Variants in BICD1 observed in about 807,000 individuals in gnomAD.
The protein encoded by BICD1 is protein bicaudal D homolog 1.
BICD1 carries 35 observed loss-of-function variants against 92.5 expected under a neutral mutation model. The observed-to-expected ratio is 0.38, with a 90% CI of 0.29 to 0.50. The LOEUF (loss-of-function observed/expected upper bound fraction) is 0.50. Among genes scored for constraint, BICD1 ranks in the 20% least tolerant of loss-of-function variants. The probability of loss-of-function intolerance (pLI) is 0.93; values close to 1 mark genes in which losing one functional copy is unlikely to be tolerated. For missense variants in BICD1, 950 were observed against 1,189.8 expected, an observed-to-expected ratio of 0.80 and a Z score of 2.97; for synonymous variants, 429 against 465.1, an observed-to-expected ratio of 0.92 and a Z score of 1.00.
At chr12:32,244,763 G>A (rs1325997081) in intron 2 of BICD1, among the ~76,000 whole-genome samples, 1 of 151,790 alleles carries the variant, frequency 6.6e-6, no homozygotes, top group East Asian at 1.9e-4. Flanking sequence ...TGAGTAGCTG[G>A]GACTACAGGC....
At chr12:32,237,450 A>G (rs12298558) in intron 2 of BICD1, among the ~76,000 whole-genome samples, 19,126 of 152,162 alleles carry the variant, frequency 0.13, 1,968 homozygotes, top group African/African-American at 0.28. Flanking sequence ...ACGACTTTGT[A>G]TTGGAAGAAG....
intron 1 of BICD1, among the ~76,000 whole-genome samples, chr12:32,180,048 C>T (rs1944228500): frequency 6.6e-6 from 1 of 151,058 alleles, no homozygotes; most frequent in Non-Finnish European, 1.5e-5. Context: ...GGAGGATTTC[C>T]TCGCAGTAGG....
Position 32,118,374 on chromosome 12 carries a change from C to T in BICD1, c.213+10830C>T, listed in dbSNP as rs931338650. 7.9e-5 allele frequency among the ~76,000 whole-genome samples: 12 copies of T among 152,126 alleles called. No individual in the cohort carries two copies. The East Asian group carries it at 2.3e-3, about 29-fold the overall frequency. On this transcript the variant is annotated intron_variant, in intron 1 of 9. Coordinates refer to ENST00000652176, the MANE Select transcript of BICD1 (RefSeq NM_001714.4). Reference sequence around the variant, plus strand: ...GGGATTACAGGTGTGAGCCACCGAGCCTGGCCTAGTCCAATATTTTATAAT... The same window carrying T: ...GGGATTACAGGTGTGAGCCACCGAGTCTGGCCTAGTCCAATATTTTATAAT...
intron 1 of BICD1, among the ~76,000 whole-genome samples, chr12:32,196,612 C>A (rs1461820653): frequency 2.0e-5 from 3 of 152,014 alleles, no homozygotes; most frequent in Admixed American, 6.5e-5. Flanking sequence ...ATGGTGGTTG[C>A]CAGGGTCTGG....
At chr12:32,131,610 A>G (rs910790363) in intron 1 of BICD1, among the ~76,000 whole-genome samples, 4 of 152,374 alleles carry the variant, frequency 2.6e-5, no homozygotes, top group Non-Finnish European at 4.4e-5. Context: ...TGTGGAATGT[A>G]AAACAACTCT....
intron 9 of BICD1, among the ~76,000 whole-genome samples, chr12:32,372,704 C>A (rs1340545067): frequency 6.6e-6 from 1 of 151,882 alleles, no homozygotes; most frequent in Admixed American, 6.6e-5. Flanking sequence ...CTTGGTGAAA[C>A]CCTGTCCTTT....
At chr12:32,287,902 A>G (rs983886438) in intron 2 of BICD1, among the ~76,000 whole-genome samples, 11 of 152,148 alleles carry the variant, frequency 7.2e-5, no homozygotes, top group Middle Eastern at 3.2e-3. Context: ...TGACAGCCCC[A>G]CTGGGCCAAA....
intron 1 of BICD1, among the ~76,000 whole-genome samples, chr12:32,141,818 AGT>A (rs1366277242): frequency 1.3e-5 from 2 of 152,102 alleles, no homozygotes; most frequent in Non-Finnish European, 2.9e-5. Context: ...TCCCGAAGCC[AGT>A]GGTTTTCTAG....
At chr12:32,355,690 T>C (rs1565693226) in intron 8 of BICD1, among the ~76,000 whole-genome samples, 1 of 151,886 alleles carries the variant, frequency 6.6e-6, no homozygotes, top group Non-Finnish European at 1.5e-5. Context: ...TAATCCCAGC[T>C]ACTCGGGAGG....
intron 1 of BICD1, among the ~76,000 whole-genome samples, chr12:32,212,441 T>C (rs1037330501): frequency 6.6e-6 from 1 of 152,228 alleles, no homozygotes; most frequent in African/African-American, 2.4e-5. Flanking sequence ...TATTTTATTT[T>C]TGAGACAGAG....
At chr12:32,374,744 T>A (rs1286448045) in intron 9 of BICD1, among the ~76,000 whole-genome samples, 3 of 135,928 alleles carry the variant, frequency 2.2e-5, no homozygotes, top group Admixed American at 1.5e-4. Context: ...ATTTTTTTTT[T>A]TTTTTTTTTT....
chr12:32,209,900 CAA>C (rs772846776), intron 1 of BICD1, among the ~76,000 whole-genome samples: 19 of 152,124 alleles, frequency 1.2e-4, no homozygotes, highest in Admixed American at 2.6e-4. Flanking sequence ...AATTAAATGA[CAA>C]AATAAAAAAT....
intron 2 of BICD1, among the ~76,000 whole-genome samples, chr12:32,228,633 T>C (rs116304366): frequency 0.026 from 3,881 of 152,154 alleles, 152 homozygotes; most frequent in African/African-American, 0.084. Context: ...TGGGTAGAAG[T>C]GGTGAAAAGT....
At chr12:32,226,458 A>AT (rs555678959) in intron 2 of BICD1, among the ~76,000 whole-genome samples, 2 of 152,316 alleles carry the variant, frequency 1.3e-5, no homozygotes, top group Admixed American at 1.3e-4. Flanking sequence ...ATATTAATAT[A>AT]TTAACTGGAT....
chr12:32,219,573 T>G (rs906134116), intron 2 of BICD1, among the ~76,000 whole-genome samples: 1 of 152,226 alleles, frequency 6.6e-6, no homozygotes, highest in Non-Finnish European at 1.5e-5. Flanking sequence ...TGACTCATTA[T>G]GTAGATCTAT....
intron 1 of BICD1, among the ~76,000 whole-genome samples, chr12:32,205,785 A>T (rs1358725521): frequency 6.8e-6 from 1 of 148,102 alleles, no homozygotes; most frequent in Non-Finnish European, 1.5e-5. Context: ...GAACATATCC[A>T]TGACTCTCTA....
At chr12:32,345,938 C>T (rs1565686531) in intron 8 of BICD1, among the ~76,000 whole-genome samples, 1 of 152,176 alleles carries the variant, frequency 6.6e-6, no homozygotes, top group African/African-American at 2.4e-5. Context: ...CACTTGAGCC[C>T]AGGAGTTCAA....
chr12:32,323,924 A>G (rs1268343173), intron 4 of BICD1, among the ~76,000 whole-genome samples: 1 of 152,246 alleles, frequency 6.6e-6, no homozygotes, highest in African/African-American at 2.4e-5. Flanking sequence ...TATAGAAATG[A>G]AAATATAGTA....
intron 1 of BICD1, among the ~76,000 whole-genome samples, chr12:32,206,394 T>A (rs4931620): frequency 0.33 from 50,306 of 152,116 alleles, 8,829 homozygotes; most frequent in Admixed American, 0.49. Context: ...TCACCTGATG[T>A]CAGGAGTTCA....
Sources: gnomAD v4.1 joint callset for allele counts (sites outside exome capture counted in the v4.1 genomes callset) on GRCh38, gnomAD v4.1.1 for gene constraint, MANE v1.5 for transcripts, NCBI Gene and HGNC (gene_info 2026-07-23, HGNC 2026-07-21) for gene names.